The following ALK variants were observed in gnomAD, a reference collection of about 807,000 sequenced individuals.
ALK encodes ALK tyrosine kinase receptor.
Under a neutral mutation model 163.1 loss-of-function variants are expected in ALK, and 74 were observed. The ratio of observed to expected loss-of-function variants is 0.45; its 90% CI spans 0.38 to 0.55. ALK has a LOEUF of 0.55. Ranked by LOEUF, ALK falls within the 20% of genes least tolerant of loss-of-function variation. The pLI is 0.00. For synonymous variants in ALK, 960 were observed against 843.2 expected (o/e 1.14, Z -2.40); for missense variants, 2,063 against 2,105.3 (o/e 0.98, Z 0.39).
intron 1 of ALK, among the ~76,000 whole-genome samples, chr2:29,887,583 A>G (rs756947126): frequency 2.1e-4 from 32 of 152,176 alleles, no homozygotes; most frequent in Non-Finnish European, 4.1e-4. Context: ...CTTTGGGCCT[A>G]TATTTTTAAA....
chr2:29,311,528 T>C (rs1251724504), intron 8 of ALK, among the ~76,000 whole-genome samples: 2 of 152,230 alleles, frequency 1.3e-5, no homozygotes, highest in Non-Finnish European at 2.9e-5. Context: ...AAATACAGAA[T>C]TGACATTTAA....
intron 1 of ALK, among the ~76,000 whole-genome samples, chr2:29,766,204 C>T (rs1680857949): frequency 6.6e-6 from 1 of 152,164 alleles, no homozygotes; most frequent in Non-Finnish European, 1.5e-5. Context: ...TCTGTGTGGA[C>T]ACAGCAATAG....
intron 9 of ALK, chr2:29,286,309 C>T (rs1405768514): frequency 2.0e-5 from 3 of 152,226 alleles, no homozygotes; most frequent in East Asian, 1.9e-4. Context: ...ATATGTTTGC[C>T]GACAATGTGT....
At chr2:29,537,637 C>T (rs1673296496) in intron 3 of ALK, among the ~76,000 whole-genome samples, 1 of 152,250 alleles carries the variant, frequency 6.6e-6, no homozygotes, top group Non-Finnish European at 1.5e-5. Flanking sequence ...CCCACTGGGG[C>T]ACTTCCTAGT....
intron 1 of ALK, among the ~76,000 whole-genome samples, chr2:29,766,663 T>C (rs554200203): frequency 2.9e-4 from 44 of 152,352 alleles, no homozygotes; most frequent in Non-Finnish European, 4.3e-4. Flanking sequence ...ATGGTAAGAA[T>C]GAGTCTTCCT....
chr2:29,913,830 A>C (rs1667766510), intron 1 of ALK, among the ~76,000 whole-genome samples: 1 of 152,198 alleles, frequency 6.6e-6, no homozygotes, highest in Admixed American at 6.5e-5. Flanking sequence ...TTGGTAATTT[A>C]CATTTCTCTC....
At chr2:29,895,617 T>A (rs1299460141) in intron 1 of ALK, among the ~76,000 whole-genome samples, 1 of 152,120 alleles carries the variant, frequency 6.6e-6, no homozygotes, top group Non-Finnish European at 1.5e-5. Flanking sequence ...TTTAAATGAG[T>A]GTTGCATGAT....
intron 13 of ALK, among the ~76,000 whole-genome samples, chr2:29,237,718 G>T (rs1664420443): frequency 6.6e-6 from 1 of 152,094 alleles, no homozygotes; most frequent in Admixed American, 6.5e-5. Flanking sequence ...CACAATATTT[G>T]CCTTGCAGGG....
At chr2:29,594,450 A>G (rs1268206946) in intron 3 of ALK, among the ~76,000 whole-genome samples, 4 of 132,962 alleles carry the variant, frequency 3.0e-5, no homozygotes, top group East Asian at 4.4e-4. Context: ...TTTTTTTGAG[A>G]TGGAGTTTTG....
intron 26 of ALK, among the ~76,000 whole-genome samples, chr2:29,204,369 T>C (rs1406161726): frequency 6.6e-6 from 1 of 152,162 alleles, no homozygotes; most frequent in African/African-American, 2.4e-5. Context: ...GGGCTTCTCT[T>C]GACTATGACA....
intron 3 of ALK, among the ~76,000 whole-genome samples, chr2:29,651,522 A>G (rs1354137996): frequency 1.3e-5 from 2 of 152,154 alleles, no homozygotes; most frequent in African/African-American, 2.4e-5. Context: ...ATAAGAACCT[A>G]AAAAGATCTG....
At chr2:29,803,469 T>C (rs1664535329) in intron 1 of ALK, among the ~76,000 whole-genome samples, 1 of 152,206 alleles carries the variant, frequency 6.6e-6, no homozygotes, top group Non-Finnish European at 1.5e-5. Context: ...ACGCTTGGGG[T>C]ATTCTTCACA....
intron 6 of ALK, among the ~76,000 whole-genome samples, chr2:29,322,813 G>A (rs1407947814): frequency 6.6e-6 from 1 of 152,184 alleles, no homozygotes; most frequent in Non-Finnish European, 1.5e-5. Context: ...CAGCCTGGGC[G>A]ACAAGAGCAA....
intron 4 of ALK, among the ~76,000 whole-genome samples, chr2:29,485,646 A>G (rs1671759979): frequency 2.0e-5 from 3 of 152,184 alleles, no homozygotes; most frequent in African/African-American, 7.2e-5. Context: ...TTGTACTTGA[A>G]GGCTAGGCTC....
At chr2:29,277,929 C>T (rs962425261) in intron 9 of ALK, among the ~76,000 whole-genome samples, 1 of 152,212 alleles carries the variant, frequency 6.6e-6, no homozygotes, top group African/African-American at 2.4e-5. Flanking sequence ...GAGAAATCGA[C>T]ATGAACGCTG....
chr2:29,332,372 G>T (rs1388805896), intron 5 of ALK, among the ~76,000 whole-genome samples: 1 of 128,430 alleles, frequency 7.8e-6, no homozygotes, highest in Non-Finnish European at 1.6e-5. Flanking sequence ...GGCTATGTCT[G>T]TTTCATCCAC....
At chr2:29,303,574 C>T (rs1558661393) in intron 8 of ALK, among the ~76,000 whole-genome samples, 1 of 152,174 alleles carries the variant, frequency 6.6e-6, no homozygotes. Context: ...CATAAAGACA[C>T]CTGCAGTCAC....
At chr2:29,849,785 G>C (rs998430708) in intron 1 of ALK, among the ~76,000 whole-genome samples, 1 of 152,128 alleles carries the variant, frequency 6.6e-6, no homozygotes, top group African/African-American at 2.4e-5. Flanking sequence ...GAAGAGGAGT[G>C]GGGAGGAAGC....
chr2:29,805,280 G>A (rs1664578937), intron 1 of ALK, among the ~76,000 whole-genome samples: 1 of 152,138 alleles, frequency 6.6e-6, no homozygotes, highest in Non-Finnish European at 1.5e-5. Context: ...CGAGCTCCTG[G>A]GAGCACTATT....
Sources: allele counts gnomAD v4.1 joint callset (sites outside exome capture counted in the v4.1 genomes callset), GRCh38; gene constraint gnomAD v4.1.1; transcripts MANE v1.5; gene names NCBI Gene and HGNC (gene_info 2026-07-23, HGNC 2026-07-21).